ERAP1: variants seen among roughly 807,000 people sequenced by gnomAD.
ERAP1 encodes endoplasmic reticulum aminopeptidase 1.
Under a neutral mutation model 103.7 loss-of-function variants are expected in ERAP1, and 86 were observed. The ratio of observed to expected loss-of-function variants is 0.83; its 90% confidence interval spans 0.70 to 0.99. The LOEUF is 0.99. ERAP1 is among the 50% of genes least tolerant of loss of function. ERAP1 has a pLI of 0.00. For synonymous variants in ERAP1, 398 were observed against 402.4 expected, an observed-to-expected ratio of 0.99 and a Z score of 0.13; for missense variants, 1,009 against 1,128.4, an observed-to-expected ratio of 0.89 and a Z score of 1.52.
the ERAP1 span, chr5:96,903,466 T>C: frequency 1.2e-6 from 2 of 1,614,084 alleles, no homozygotes; most frequent in Non-Finnish European, 1.7e-6. Context: ...GGGTCATGGA[T>C]GGGACCAACT....
intron 18 of ERAP1, among the ~76,000 whole-genome samples, chr5:96,777,976 C>T (rs1037451319): frequency 6.6e-6 from 1 of 152,166 alleles, no homozygotes; most frequent in Non-Finnish European, 1.5e-5. Flanking sequence ...ATCCTACTAA[C>T]TTGATTTGAG....
chr5:96,803,354 T>C, intron 2 of ERAP1, 49 bp downstream of exon 2: 2 of 1,534,890 alleles, frequency 1.3e-6, no homozygotes, highest in Middle Eastern at 1.7e-4. Flanking sequence ...ATAATGAATT[T>C]AGCGTGGGCA....
the ERAP1 span, chr5:96,883,893 G>A: frequency 6.2e-7 from 1 of 1,613,658 alleles, no homozygotes; most frequent in Non-Finnish European, 8.5e-7. Flanking sequence ...AAGATACGAA[G>A]AGAGAGCAGG....
At chr5:96,765,327 TAAAAAAAAA>T (rs59338324) in intron 19 of ERAP1, 86 of 512,116 alleles carry the variant, frequency 1.7e-4, no homozygotes, top group Admixed American at 4.8e-4. Context: ...AAAGTAAAGG[TAAAAAAAAA>T]AAAAAAAAAA....
At chr5:96,830,574 T>C in the ERAP1 span, among the ~76,000 whole-genome samples, 1 of 152,196 alleles carries the variant, frequency 6.6e-6, no homozygotes, top group East Asian at 1.9e-4. Flanking sequence ...AAAATGAACA[T>C]TGCTACATCA....
chr5:96,828,264 G>T, the ERAP1 span, among the ~76,000 whole-genome samples: 1 of 151,906 alleles, frequency 6.6e-6, no homozygotes, highest in Non-Finnish European at 1.5e-5. Context: ...TTTTAATTAT[G>T]ACAACAAAAT....
chr5:96,781,920 G>A (rs1165067649), intron 15 of ERAP1, 66 bp from the exon 16 acceptor site: 21 of 1,474,122 alleles, frequency 1.4e-5, no homozygotes, highest in Non-Finnish European at 1.9e-5. Flanking sequence ...GCATAATGGT[G>A]ACTAACTATG....
chr5:96,770,504 A>T, downstream of ERAP1: 1 of 1,519,072 alleles, frequency 6.6e-7, no homozygotes, highest in Non-Finnish European at 9.1e-7. Context: ...TGATAGCCAT[A>T]GCCTCATTAC....
chr5:96,796,378 C>T (rs1777346581), intron 4 of ERAP1, among the ~76,000 whole-genome samples: 1 of 152,226 alleles, frequency 6.6e-6, no homozygotes, highest in South Asian at 2.1e-4. Context: ...AGATTTTTCT[C>T]TCCAGCATTC....
At chr5:96,764,413 A>G (rs1769078563) in intron 19 of ERAP1, among the ~76,000 whole-genome samples, 1 of 152,188 alleles carries the variant, frequency 6.6e-6, no homozygotes, top group Non-Finnish European at 1.5e-5. Flanking sequence ...AGTTACAGTG[A>G]TATTGTTGTC....
In ERAP1 at chr5:96,799,707, G is replaced by T. The variant is rs566970452; in HGVS notation, c.663+1155C>A. On this transcript the variant is annotated intron_variant, in intron 3 of 18. Transcript: ENST00000443439. ...AGGGAGTAATACCACAATACTGGGG[G>T]AGAGGACTATATTTTGAAAAAGCAC... 4.6e-5 allele frequency among the ~76,000 whole-genome samples: 7 copies of T among 152,290 alleles called. No individual in the cohort carries two copies. In the South Asian group the frequency reaches 8.3e-4, roughly 18 times the overall value.
At chr5:96,927,513 G>C in the ERAP1 span, among the ~76,000 whole-genome samples, 1 of 151,978 alleles carries the variant, frequency 6.6e-6, no homozygotes, top group Non-Finnish European at 1.5e-5. Context: ...TTGAGACGGA[G>C]TCTCGCTCAG....
chr5:96,819,701 A>C, the ERAP1 span, among the ~76,000 whole-genome samples: 2 of 152,198 alleles, frequency 1.3e-5, no homozygotes, highest in Non-Finnish European at 2.9e-5. Flanking sequence ...GAAGTATGAC[A>C]TACAAAATAA....
the ERAP1 span, among the ~76,000 whole-genome samples, chr5:96,932,726 C>T: frequency 2.6e-5 from 4 of 152,024 alleles, no homozygotes; most frequent in Admixed American, 6.6e-5. Context: ...TAAAAATATC[C>T]CTATATTCAT....
chr5:96,762,225 CATA>C (rs755063188), exon 20 of ERAP1: 1 of 1,246,404 alleles, frequency 8.0e-7, no homozygotes. Context: ...GCATTGTGCT[CATA>C]ATTTTATATA....
the ERAP1 span, among the ~76,000 whole-genome samples, chr5:96,831,452 G>A: frequency 2.0e-5 from 3 of 152,296 alleles, no homozygotes; most frequent in South Asian, 4.1e-4. Flanking sequence ...ACGCACAGGA[G>A]GACTTGTGTC....
At chr5:96,889,514 C>G in the ERAP1 span, 16 of 704,218 alleles carry the variant, frequency 2.3e-5, no homozygotes, top group South Asian at 2.7e-4. Flanking sequence ...TTTCTCTATT[C>G]TTTTATCAGG....
At chr5:96,843,110 G>A in the ERAP1 span, among the ~76,000 whole-genome samples, 2 of 152,282 alleles carry the variant, frequency 1.3e-5, no homozygotes, top group East Asian at 3.9e-4. Context: ...ACAAAGCAAG[G>A]AAACAATGAA....
chr5:96,825,106 G>C, the ERAP1 span, among the ~76,000 whole-genome samples: 1 of 152,154 alleles, frequency 6.6e-6, no homozygotes, highest in South Asian at 2.1e-4. Context: ...TGGTCAGTAA[G>C]TTCCATGAGG....
Sources: gnomAD v4.1 joint callset for allele counts (sites outside exome capture counted in the v4.1 genomes callset) on GRCh38, gnomAD v4.1.1 for gene constraint, MANE v1.5 for transcripts, NCBI Gene and HGNC (gene_info 2026-07-23, HGNC 2026-07-21) for gene names.